The following MBD5 variants were observed in gnomAD, a reference collection of about 807,000 sequenced individuals.
MBD5 encodes methyl-CpG binding domain protein 5.
MBD5 carries 13 observed loss-of-function variants against 117.3 expected under a neutral mutation model. That is an observed-to-expected ratio of 0.11 (90% CI 0.07 to 0.18). MBD5 has a LOEUF of 0.18. Ranked by LOEUF, MBD5 falls within the 10% of genes least tolerant of loss-of-function variation. MBD5 has a pLI of 1.00. For missense variants in MBD5, 1,879 were observed against 2,093.8 expected, an observed-to-expected ratio of 0.90 and a Z score of 2.00; for synonymous variants, 727 against 766.4, an observed-to-expected ratio of 0.95 and a Z score of 0.85.
intron 1 of MBD5, chr2:148,055,719 A>C (rs1345506258): frequency 6.6e-6 from 1 of 152,180 alleles, no homozygotes. Context: ...GTCGTGTGCC[A>C]CCGCGCTTGG....
chr2:148,446,495 T>C (rs904679533), intron 4 of MBD5, among the ~76,000 whole-genome samples: 14 of 152,026 alleles, frequency 9.2e-5, no homozygotes, highest in South Asian at 2.1e-4. Context: ...CCAGGATAGC[T>C]CTTCCAGGTT....
chr2:148,115,513 A>G (rs1180698704), intron 1 of MBD5, among the ~76,000 whole-genome samples: 1 of 152,198 alleles, frequency 6.6e-6, no homozygotes, highest in Non-Finnish European at 1.5e-5. Context: ...GGCACAGAAG[A>G]AGTACTAAAA....
At chr2:148,344,998 A>T (rs527478969) in intron 4 of MBD5, among the ~76,000 whole-genome samples, 1 of 151,984 alleles carries the variant, frequency 6.6e-6, no homozygotes, top group Admixed American at 6.6e-5. Flanking sequence ...TCACCATCTT[A>T]GAGATATATG....
At chr2:148,171,593 A>C (rs1299554185) in intron 1 of MBD5, among the ~76,000 whole-genome samples, 2 of 152,332 alleles carry the variant, frequency 1.3e-5, no homozygotes, top group Middle Eastern at 3.4e-3. Flanking sequence ...TCTCTTTCTC[A>C]TTATAGTACT....
intron 12 of MBD5, among the ~76,000 whole-genome samples, chr2:148,506,714 C>T (rs1395812257): frequency 6.6e-6 from 1 of 152,124 alleles, no homozygotes. Context: ...GCAATTATCT[C>T]CATTAATAAT....
At chr2:148,508,528 TTTAATATAAAAGACTTAAAGGAATTTA>T (rs1485295295) in intron 12 of MBD5, among the ~76,000 whole-genome samples, 14 of 152,146 alleles carry the variant, frequency 9.2e-5, no homozygotes, top group African/African-American at 2.2e-4. Flanking sequence ...GCTTTATTTT[TTTAATATAAAAGACTTAAAGGAATTTA>T]TTAACATTTC....
At chr2:148,080,976 A>G (rs1695634087) in intron 1 of MBD5, among the ~76,000 whole-genome samples, 1 of 152,190 alleles carries the variant, frequency 6.6e-6, no homozygotes, top group East Asian at 1.9e-4. Context: ...AGCTAAGATT[A>G]AATACGGAAA....
chr2:148,141,089 T>A (rs1697301876), intron 1 of MBD5, among the ~76,000 whole-genome samples: 1 of 152,114 alleles, frequency 6.6e-6, no homozygotes, highest in African/African-American at 2.4e-5. Context: ...CATTTTAAAT[T>A]GACAAATTTA....
intron 3 of MBD5, chr2:148,296,160 G>T: frequency 5.0e-6 from 1 of 200,914 alleles, no homozygotes; most frequent in African/African-American, 2.4e-5. Context: ...ACCTACATTG[G>T]GTCTGGTGTG....
intron 1 of MBD5, among the ~76,000 whole-genome samples, chr2:148,062,996 C>G (rs1242937235): frequency 6.6e-6 from 1 of 152,090 alleles, no homozygotes; most frequent in Non-Finnish European, 1.5e-5. Flanking sequence ...CACATATTTG[C>G]GGATTCCTTG....
At chr2:148,371,141 G>GT (rs1301801377) in intron 4 of MBD5, among the ~76,000 whole-genome samples, 1 of 151,986 alleles carries the variant, frequency 6.6e-6, no homozygotes, top group African/African-American at 2.4e-5. Flanking sequence ...CTGTTCCTTA[G>GT]TTTTTTAAAA....
intron 1 of MBD5, among the ~76,000 whole-genome samples, chr2:148,115,931 C>T (rs1378324043): frequency 6.6e-6 from 1 of 152,084 alleles, no homozygotes; most frequent in Non-Finnish European, 1.5e-5. Context: ...CAACCTTGAC[C>T]TCCCCAGGCT....
At chr2:148,404,881 A>C (rs1705030000) in intron 4 of MBD5, among the ~76,000 whole-genome samples, 1 of 152,156 alleles carries the variant, frequency 6.6e-6, no homozygotes, top group Non-Finnish European at 1.5e-5. Context: ...TCACTTTGAT[A>C]TAAGTTTGAA....
intron 1 of MBD5, among the ~76,000 whole-genome samples, chr2:148,024,115 A>C (rs140113311): frequency 4.9e-4 from 74 of 152,222 alleles, no homozygotes; most frequent in African/African-American, 1.7e-3. Context: ...TATTATGTAC[A>C]GTTCTGGGTA....
At chr2:148,478,620 C>CTAGA (rs1681047673) in intron 8 of MBD5, among the ~76,000 whole-genome samples, 1 of 152,136 alleles carries the variant, frequency 6.6e-6, no homozygotes, top group Non-Finnish European at 1.5e-5. Flanking sequence ...CCTCATTGGA[C>CTAGA]TAGACTGTCT....
At chr2:148,413,909 A>T (rs1578893) in intron 4 of MBD5, among the ~76,000 whole-genome samples, 35,775 of 95,018 alleles carry the variant, frequency 0.38, 4,816 homozygotes, top group East Asian at 0.43. Context: ...CTTATTTTCT[A>T]AAAAAAAAAA....
intron 4 of MBD5, among the ~76,000 whole-genome samples, chr2:148,356,529 C>T (rs1467813245): frequency 6.6e-6 from 1 of 152,032 alleles, no homozygotes; most frequent in African/African-American, 2.4e-5. Flanking sequence ...TTACTGTATT[C>T]CTAGTAGCTA....
At chr2:148,121,080 A>G (rs1696757917) in intron 1 of MBD5, among the ~76,000 whole-genome samples, 1 of 152,190 alleles carries the variant, frequency 6.6e-6, no homozygotes, top group Non-Finnish European at 1.5e-5. Context: ...TTTCACCTTT[A>G]TTAACAGCAT....
At chr2:148,414,605 G>A (rs1003197148) in intron 4 of MBD5, among the ~76,000 whole-genome samples, 2 of 152,162 alleles carry the variant, frequency 1.3e-5, no homozygotes, top group Admixed American at 1.3e-4. Context: ...ACATCTCTCT[G>A]TAGGTCTCCA....
Sources: gnomAD v4.1 joint callset for allele counts (sites outside exome capture counted in the v4.1 genomes callset) on GRCh38, gnomAD v4.1.1 for gene constraint, MANE v1.5 for transcripts, NCBI Gene and HGNC (gene_info 2026-07-23, HGNC 2026-07-21) for gene names.